The following PRIM2 variants were observed in gnomAD, a reference collection of about 807,000 sequenced individuals.
The protein encoded by PRIM2 is DNA primase large subunit.
PRIM2 carries 39 observed loss-of-function variants against 67.3 expected under a neutral mutation model. The ratio of observed to expected loss-of-function variants is 0.58; its 90% CI spans 0.45 to 0.76. The LOEUF is 0.76. Ranked by LOEUF, PRIM2 falls within the 30% of genes least tolerant of loss-of-function variation. PRIM2 has a pLI of 0.00. For synonymous variants in PRIM2, 143 were observed against 198.7 expected (o/e 0.72, Z 2.36); for missense variants, 398 against 598.7 (o/e 0.66, Z 3.50).
intron 12 of PRIM2, among the ~76,000 whole-genome samples, chr6:57,622,839 G>A (rs1282840255): frequency 6.6e-6 from 1 of 152,070 alleles, no homozygotes; most frequent in Non-Finnish European, 1.5e-5. Context: ...ACTGGCAAAT[G>A]CCTTTTAATG....
rs1404594575 is a variant in PRIM2, at chr6:57,381,959, T to A, written c.556-72T>A. The stretch of plus-strand genomic sequence containing the variant: ...CTAATGAATTTCTTTGTTTATACTT[T>A]ATACATATGAAGACTTAGGATTTCT... On this transcript the variant is annotated intron_variant, in intron 6 of 13. Coordinates refer to ENST00000615550, the MANE Select transcript of PRIM2 (RefSeq NM_000947.5). The A allele has an allele frequency of 2.7e-6, 4 of 1,462,558 alleles. No homozygotes were observed. The East Asian group carries it at 9.8e-5, about 36-fold the overall frequency. The allele number at this position is 1,462,558 out of a possible 1,614,324, so 90.6% of individuals were successfully genotyped here. A position where few individuals can be genotyped will look rare whatever the true frequency, so the allele number is the denominator to read the frequency against.
chr6:57,248,731 T>G, the PRIM2 span, among the ~76,000 whole-genome samples: 1,274 of 152,286 alleles, frequency 8.4e-3, 12 homozygotes, highest in African/African-American at 0.029. Flanking sequence ...TAGTTTCATT[T>G]TTCAACTTCC....
chr6:57,509,717 G>A (rs1774321689), intron 8 of PRIM2, among the ~76,000 whole-genome samples: 1 of 151,184 alleles, frequency 6.6e-6, no homozygotes, highest in African/African-American at 2.4e-5. Flanking sequence ...CACCCCTACG[G>A]CCTTACAAAT....
chr6:57,487,056 T>G (rs1385675556), intron 7 of PRIM2, among the ~76,000 whole-genome samples: 1 of 152,188 alleles, frequency 6.6e-6, no homozygotes, highest in Non-Finnish European at 1.5e-5. Flanking sequence ...TTTATAGTCA[T>G]TGTTACATCA....
chr6:57,232,947 A>T, the PRIM2 span, among the ~76,000 whole-genome samples: 1 of 152,218 alleles, frequency 6.6e-6, no homozygotes. Flanking sequence ...ATTTCTTCCT[A>T]AAAAGCTGGC....
At chr6:57,483,581 T>C (rs1452668194) in intron 7 of PRIM2, among the ~76,000 whole-genome samples, 88 of 152,258 alleles carry the variant, frequency 5.8e-4, no homozygotes, top group African/African-American at 1.9e-3. Context: ...GAGGAGTAGA[T>C]GAAACGGTCA....
At chr6:57,613,843 A>G (rs1441638904) in intron 12 of PRIM2, among the ~76,000 whole-genome samples, 3 of 151,594 alleles carry the variant, frequency 2.0e-5, no homozygotes, top group African/African-American at 4.8e-5. Flanking sequence ...TTTTTTATTT[A>G]TTTTTAATTA....
chr6:57,288,214 C>T, the PRIM2 span, among the ~76,000 whole-genome samples: 6 of 152,096 alleles, frequency 3.9e-5, no homozygotes, highest in African/African-American at 1.4e-4. Context: ...TGCAGCTTGG[C>T]GTGGGGAGGG....
intron 10 of PRIM2, among the ~76,000 whole-genome samples, chr6:57,548,477 C>T (rs1775332774): frequency 6.6e-6 from 1 of 152,050 alleles, no homozygotes; most frequent in Non-Finnish European, 1.5e-5. Context: ...GGAGGATGTG[C>T]TGAGAATACT....
chr6:57,593,618 G>C (rs2127489245), intron 10 of PRIM2, among the ~76,000 whole-genome samples: 1 of 152,260 alleles, frequency 6.6e-6, no homozygotes, highest in Non-Finnish European at 1.5e-5. Flanking sequence ...CATACCCAAT[G>C]CTTAGAGGTT....
chr6:57,248,473 A>C, the PRIM2 span, among the ~76,000 whole-genome samples: 1 of 152,208 alleles, frequency 6.6e-6, no homozygotes, highest in Non-Finnish European at 1.5e-5. Flanking sequence ...AGGCAGCAAA[A>C]GCAGAGATTC....
rs1178308492 is a variant in PRIM2 at position 57,592,041 on chromosome 6, C to T, written c.1021-9052C>T. On this transcript the variant is annotated intron_variant, in intron 10 of 13. Coordinates refer to ENST00000615550, the MANE Select transcript of PRIM2 (RefSeq NM_000947.5). Reference sequence around the variant, plus strand: ...CATCAGCATGGATGCAGCTGGAGGTCATTAACCTAAGTGAATTAACACAGG... The same window carrying T: ...CATCAGCATGGATGCAGCTGGAGGTTATTAACCTAAGTGAATTAACACAGG... 6.2e-4 allele frequency among the ~76,000 whole-genome samples: 94 copies of T among 152,212 alleles called. 1 individual carries two copies. In the South Asian group the frequency reaches 0.017, roughly 28 times the overall value.
At chr6:57,253,709 A>C in the PRIM2 span, among the ~76,000 whole-genome samples, 1 of 152,140 alleles carries the variant, frequency 6.6e-6, no homozygotes, top group Non-Finnish European at 1.5e-5. Context: ...CTCTCCCTAT[A>C]TTCTCTGGTC....
intron 8 of PRIM2, among the ~76,000 whole-genome samples, chr6:57,520,600 A>C (rs1363506905): frequency 2.0e-5 from 3 of 152,208 alleles, no homozygotes; most frequent in African/African-American, 7.2e-5. Context: ...CTGTAGTTTG[A>C]ATATATGTTA....
intron 7 of PRIM2, among the ~76,000 whole-genome samples, chr6:57,489,087 G>A (rs1773819266): frequency 6.6e-6 from 1 of 152,208 alleles, no homozygotes; most frequent in African/African-American, 2.4e-5. Flanking sequence ...GGGGCCACAG[G>A]CTGCACATGA....
chr6:57,255,414 C>T, the PRIM2 span, among the ~76,000 whole-genome samples: 7 of 151,070 alleles, frequency 4.6e-5, no homozygotes, highest in African/African-American at 1.2e-4. Flanking sequence ...AGGAGAATGG[C>T]GTGAACCCGG....
chr6:57,570,889 T>G (rs1233809712), intron 10 of PRIM2, among the ~76,000 whole-genome samples: 5 of 152,182 alleles, frequency 3.3e-5, no homozygotes, highest in Non-Finnish European at 5.9e-5. Context: ...GTTGTAAAGC[T>G]GAGGAGCATT....
At chr6:57,356,005 T>A (rs1044840570) in intron 5 of PRIM2, among the ~76,000 whole-genome samples, 1 of 151,974 alleles carries the variant, frequency 6.6e-6, no homozygotes, top group Non-Finnish European at 1.5e-5. Flanking sequence ...ATGTTTGGGG[T>A]TTTGCATTCG....
At chr6:57,438,483 T>A (rs1443064602) in intron 7 of PRIM2, among the ~76,000 whole-genome samples, 12 of 151,970 alleles carry the variant, frequency 7.9e-5, no homozygotes, top group African/African-American at 2.9e-4. Flanking sequence ...AATGTGATTA[T>A]ACTTTAAAAT....
Sources: allele counts gnomAD v4.1 joint callset (sites outside exome capture counted in the v4.1 genomes callset), GRCh38; gene constraint gnomAD v4.1.1; transcripts MANE v1.5; gene names NCBI Gene and HGNC (gene_info 2026-07-23, HGNC 2026-07-21).